CHD6: variants seen among roughly 807,000 people sequenced by gnomAD.
The protein encoded by CHD6 is ATP-dependent chromatin remodeler CHD6.
Under a neutral mutation model 276.9 loss-of-function variants are expected in CHD6, and 50 were observed. The ratio of observed to expected loss-of-function variants is 0.18; its 90% CI spans 0.14 to 0.23. The LOEUF (loss-of-function observed/expected upper bound fraction) is 0.23, where lower values mean the gene tolerates loss of function less well. Ranked by LOEUF, CHD6 falls within the 10% of genes least tolerant of loss-of-function variation. The pLI is 1.00. For synonymous variants in CHD6, 1,173 were observed against 1,229.3 expected (o/e 0.95, Z 0.96); for missense variants, 2,564 against 3,365.8 (o/e 0.76, Z 5.89).
chr20:41,567,056 T>C lies in CHD6; in HGVS notation c.-23-15696A>G, dbSNP rs193076393. ...CAGAATCACCAGTTGCTGCTGGGCT[T>C]GCACTATGGCCTACACAGCTCTTAA... On this transcript the variant is annotated intron_variant, in intron 1 of 36. Transcript: ENST00000373233. 9.7e-4 allele frequency among the ~76,000 whole-genome samples: 148 copies of C among 152,300 alleles called. 1 individual carries two copies. The highest frequency in any genetic ancestry group is 3.4e-3 in the Middle Eastern group (1 of 294).
intron 3 of CHD6, among the ~76,000 whole-genome samples, chr20:41,516,197 G>A (rs2044247179): frequency 6.6e-6 from 1 of 151,038 alleles, no homozygotes. Context: ...GGAGTCTCGC[G>A]CTGTTGCCCA....
intron 15 of CHD6, among the ~76,000 whole-genome samples, chr20:41,483,836 A>G (rs901029539): frequency 3.3e-5 from 5 of 152,222 alleles, no homozygotes; most frequent in Non-Finnish European, 5.9e-5. Context: ...ACCTCTTGAC[A>G]TCACAAAGAC....
intron 23 of CHD6, among the ~76,000 whole-genome samples, chr20:41,448,727 G>A (rs2048145845): frequency 6.6e-6 from 1 of 152,138 alleles, no homozygotes; most frequent in Non-Finnish European, 1.5e-5. Flanking sequence ...AAGGGGTAAG[G>A]CCTCTGAGAA....
In CHD6 at chr20:41,607,777, A is replaced by AAC. The variant is rs535304506; in HGVS notation, c.-24+10562_-24+10563insGT. Among the ~76,000 whole-genome samples the AAC allele has an allele frequency of 8.2e-4, 125 of 151,936 alleles. 1 individual carries two copies. The highest frequency in any genetic ancestry group is 2.7e-3 in the African/African-American group (113 of 41,394). On this transcript the variant is annotated intron_variant, in intron 1 of 36. Transcript: ENST00000373233. ...AGACCATTCCACAGGAAAAAAAAAA[A>AAC]AAAAACACCTCATTAAAAAAGCTCA...
chr20:41,476,842 G>A (rs1306321502), intron 16 of CHD6, among the ~76,000 whole-genome samples: 3 of 151,686 alleles, frequency 2.0e-5, no homozygotes, highest in Non-Finnish European at 4.4e-5. Flanking sequence ...CCCAACACAC[G>A]AATATATGTG....
intron 1 of CHD6, among the ~76,000 whole-genome samples, chr20:41,575,956 T>C (rs570773614): frequency 6.6e-6 from 1 of 152,312 alleles, no homozygotes; most frequent in South Asian, 2.1e-4. Context: ...GAAAAAAAAC[T>C]TTGGGAAATG....
At chr20:41,418,752 C>A (rs1401979834) in intron 31 of CHD6, among the ~76,000 whole-genome samples, 1 of 152,026 alleles carries the variant, frequency 6.6e-6, no homozygotes, top group Non-Finnish European at 1.5e-5. Context: ...CCTACCTGTC[C>A]CACACCTCAT....
At chr20:41,425,660 G>A (rs1171471295) in intron 28 of CHD6, among the ~76,000 whole-genome samples, 2 of 152,008 alleles carry the variant, frequency 1.3e-5, no homozygotes, top group Non-Finnish European at 2.9e-5. Flanking sequence ...TGAGGACTTT[G>A]CTCTAAAGCA....
chr20:41,494,714 C>T (rs1164370245), intron 8 of CHD6, among the ~76,000 whole-genome samples: 1 of 152,186 alleles, frequency 6.6e-6, no homozygotes, highest in Non-Finnish European at 1.5e-5. Context: ...AGAGCTCTTA[C>T]TGCCACTTAG....
At position 41,542,958 on chromosome 20, in the gene CHD6, G is replaced by C. The variant is rs558270929; in HGVS notation, c.33+8347C>G. ...TCTCTACTAAAAATTCAAAAAACTA[G>C]CTGGGTGTGGTGGCGTGTGCCTGTA... On this transcript the variant is annotated intron_variant, in intron 2 of 36. Coordinates refer to ENST00000373233, the MANE Select transcript of CHD6 (RefSeq NM_032221.5). Among the ~76,000 whole-genome samples the C allele has an allele frequency of 3.9e-5, 6 of 152,080 alleles. No homozygotes were observed. In the South Asian group the frequency reaches 1.2e-3, roughly 32 times the overall value.
At chr20:41,572,420 C>G (rs2045427937) in intron 1 of CHD6, among the ~76,000 whole-genome samples, 1 of 152,174 alleles carries the variant, frequency 6.6e-6, no homozygotes. Flanking sequence ...TAGACACGGA[C>G]AGCAGGGACT....
At chr20:41,483,898 A>G (rs1337520255) in intron 15 of CHD6, among the ~76,000 whole-genome samples, 2 of 152,194 alleles carry the variant, frequency 1.3e-5, no homozygotes, top group Non-Finnish European at 2.9e-5. Context: ...CAAAAGTTTC[A>G]TAGTAAAAAA....
intron 3 of CHD6, among the ~76,000 whole-genome samples, chr20:41,521,549 TATA>T (rs1301231962): frequency 1.3e-5 from 2 of 150,614 alleles, no homozygotes; most frequent in Non-Finnish European, 3.0e-5. Flanking sequence ...TATATACACA[TATA>T]ATATGTGTGT....
rs1467221442 is a variant in CHD6, at chr20:41,405,187, C to A, written c.7554G>T (p.Leu2518=). The change falls in exon 37 of 37, where the codon CTG becomes CTT. Residue 2518 remains leucine, a synonymous_variant. Coordinates refer to ENST00000373233, the MANE Select transcript of CHD6 (RefSeq NM_032221.5). ...CAGCCATGCCTGGCAGCATCATGGG[C>A]AGCATGCTCAGGGTACTTTTGACCT... ...GEEVKSTLSM[L]PMMLPGMAAV... 4 of 1,614,210 alleles carry A rather than the reference C, an allele frequency of 2.5e-6. No individual in the cohort carries two copies. The East Asian group carries it at 8.9e-5, about 36-fold the overall frequency.
intron 1 of CHD6, among the ~76,000 whole-genome samples, chr20:41,553,718 A>C (rs1264512447): frequency 1.3e-5 from 2 of 152,254 alleles, no homozygotes; most frequent in Non-Finnish European, 2.9e-5. Context: ...CTTTCTGCAG[A>C]AAGTAAAGAT....
rs773563104 is a variant in CHD6, at chr20:41,457,433, G to C, written c.2665-5C>G. 10 of 1,606,930 alleles carry C rather than the reference G, an allele frequency of 6.2e-6. No individual in the cohort carries two copies. Among genetic ancestry groups the C allele is most frequent in the Non-Finnish European group, 8.5e-6 (10 of 1,174,130 alleles). ...GCGGTGACATCGGGCCTGAGCCTGG[G>C]AAGAAGAAGAGTCATATGCATCACG... is the stretch of plus-strand genomic sequence containing the variant. On this transcript the variant is annotated splice_region_variant and splice_polypyrimidine_tract_variant and intron_variant, in intron 17 of 36. Coordinates refer to ENST00000373233, the MANE Select transcript of CHD6 (RefSeq NM_032221.5).
At chr20:41,603,594 G>A (rs2045795285) in intron 1 of CHD6, among the ~76,000 whole-genome samples, 1 of 152,220 alleles carries the variant, frequency 6.6e-6, no homozygotes, top group South Asian at 2.1e-4. Context: ...GGCTGGGCAC[G>A]GTGGCTCACG....
At chr20:41,468,108 C>CT (rs34106201) in intron 17 of CHD6, among the ~76,000 whole-genome samples, 2,551 of 136,624 alleles carry the variant, frequency 0.019, 30 homozygotes, top group African/African-American at 0.031. Context: ...TCCTATCATT[C>CT]TTTTTTTTTT....
At chr20:41,585,530 AAGAAAC>A (rs1479588182) in intron 1 of CHD6, among the ~76,000 whole-genome samples, 1 of 151,554 alleles carries the variant, frequency 6.6e-6, no homozygotes, top group Non-Finnish European at 1.5e-5. Flanking sequence ...AAAAAAAAAA[AAGAAAC>A]AGAGAATTTG....
Sources: gnomAD v4.1 joint callset for allele counts (sites outside exome capture counted in the v4.1 genomes callset) on GRCh38, gnomAD v4.1.1 for gene constraint, MANE v1.5 for transcripts, NCBI Gene and HGNC (gene_info 2026-07-23, HGNC 2026-07-21) for gene names.